Variants in TNFAIP8L3 observed in about 807,000 individuals in gnomAD.
TNFAIP8L3 encodes tumor necrosis factor alpha-induced protein 8-like protein 3.
In TNFAIP8L3, 7 loss-of-function variants were observed where a neutral mutation model predicts 11.8. The ratio of observed to expected loss-of-function variants is 0.59; its 90% CI spans 0.34 to 1.11. The LOEUF (loss-of-function observed/expected upper bound fraction) is 1.11, where lower values mean the gene tolerates loss of function less well. Among genes scored for constraint, TNFAIP8L3 ranks in the 50% most tolerant of loss-of-function variants. TNFAIP8L3 has a pLI of 0.03. For missense variants in TNFAIP8L3, 219 were observed against 258.6 expected (o/e 0.85, Z 1.05); for synonymous variants, 98 against 103.8 (o/e 0.94, Z 0.34).
chr15:51,072,432 C>T (rs1444890196), intron 1 of TNFAIP8L3, among the ~76,000 whole-genome samples: 6 of 152,162 alleles, frequency 3.9e-5, no homozygotes, highest in African/African-American at 7.2e-5. Context: ...TAAGCCACCG[C>T]GCCTGGCCAG....
chr15:51,061,968 C>A (rs2065244757), intron 1 of TNFAIP8L3, among the ~76,000 whole-genome samples: 1 of 152,014 alleles, frequency 6.6e-6, no homozygotes, highest in Non-Finnish European at 1.5e-5. Context: ...TTTTGTACCC[C>A]CAGGGCAAAA....
chr15:51,093,265 C>A lies in TNFAIP8L3; in HGVS notation c.52+1279G>T, dbSNP rs528477916. 2.6e-5 allele frequency among the ~76,000 whole-genome samples: 4 copies of A among 152,330 alleles called. No homozygotes were observed. In the East Asian group the frequency reaches 7.7e-4, roughly 29 times the overall value. On this transcript the variant is annotated intron_variant, in intron 1 of 1. Coordinates refer to ENST00000637513, the MANE Select transcript of TNFAIP8L3 (RefSeq NM_001311175.2). ...TTTCCGCCAGCCTTGGCCCTTCCCA[C>A]CCACCCAAAGGTGCGGGCCACAGCC...
At chr15:51,060,826 A>G (rs953957243) in intron 1 of TNFAIP8L3, among the ~76,000 whole-genome samples, 3 of 152,172 alleles carry the variant, frequency 2.0e-5, no homozygotes, top group African/African-American at 7.2e-5. Context: ...ACATATCCCC[A>G]TAAGATTTAT....
At chr15:51,100,504 A>G (rs1348854616) in intron 1 of TNFAIP8L3, among the ~76,000 whole-genome samples, 2 of 152,208 alleles carry the variant, frequency 1.3e-5, no homozygotes, top group African/African-American at 4.8e-5. Flanking sequence ...ACAAAATCAT[A>G]TGGGAAAGAC....
Position 51,080,043 on chromosome 15 carries a change from C to CACTGT in TNFAIP8L3, c.52+14496_52+14500dup, listed in dbSNP as rs367769483. On this transcript the variant is annotated intron_variant, in intron 1 of 1. Transcript: ENST00000637513. ...TCTCTATATTTAAATTACATGCTTA[C>CACTGT]ACTGTTAATTCTTGATTTTATTTGC... 2.3e-3 allele frequency among the ~76,000 whole-genome samples: 350 copies of CACTGT among 152,264 alleles called. 1 individual carries two copies. Among genetic ancestry groups the CACTGT allele is most frequent in the African/African-American group, 8.2e-3 (339 of 41,546 alleles).
At chr15:51,096,891 CAAA>C (rs56057102), upstream of TNFAIP8L3, among the ~76,000 whole-genome samples, 7,974 of 97,980 alleles carry the variant, frequency 0.081, 346 homozygotes, top group African/African-American at 0.19. Flanking sequence ...CACGCTGTCT[CAAA>C]AAAAAAAAAA....
chr15:51,077,932 A>T (rs1235520586), intron 1 of TNFAIP8L3, among the ~76,000 whole-genome samples: 1 of 151,954 alleles, frequency 6.6e-6, no homozygotes, highest in Non-Finnish European at 1.5e-5. Flanking sequence ...CTCACCTTTC[A>T]ATGTGTCTGC....
intron 1 of TNFAIP8L3, among the ~76,000 whole-genome samples, chr15:51,093,988 T>C (rs2065491434): frequency 6.6e-6 from 1 of 152,046 alleles, no homozygotes; most frequent in African/African-American, 2.4e-5. Flanking sequence ...TTCTGGACCT[T>C]CTCCGCCGGC....
intron 1 of TNFAIP8L3, among the ~76,000 whole-genome samples, chr15:51,102,099 G>A (rs145437372): frequency 2.3e-4 from 35 of 152,220 alleles, no homozygotes; most frequent in African/African-American, 7.7e-4. Flanking sequence ...TAGGGGTATT[G>A]TGGGAGGCTG....
chr15:51,065,041 TTTCCAGGCATGAA>T (rs2065261683), intron 1 of TNFAIP8L3, among the ~76,000 whole-genome samples: 1 of 152,216 alleles, frequency 6.6e-6, no homozygotes, highest in African/African-American at 2.4e-5. Flanking sequence ...AAGTTCCCAT[TTTCCAGGCATGAA>T]AGGTAATGGA....
chr15:51,083,913 G>T (rs775891055), intron 1 of TNFAIP8L3, among the ~76,000 whole-genome samples: 1 of 152,230 alleles, frequency 6.6e-6, no homozygotes, highest in Non-Finnish European at 1.5e-5. Flanking sequence ...GGAGGGGCCT[G>T]GGACAAGCCT....
intron 1 of TNFAIP8L3, 125 bp from the exon 2 acceptor site, chr15:51,058,568 C>T (rs2065222033): frequency 1.1e-6 from 1 of 893,008 alleles, no homozygotes; most frequent in Non-Finnish European, 1.6e-6. Flanking sequence ...TTTATATTCC[C>T]TCGCTCCCTA....
At chr15:51,101,062 C>T (rs147328277) in intron 1 of TNFAIP8L3, among the ~76,000 whole-genome samples, 1 of 152,364 alleles carries the variant, frequency 6.6e-6, no homozygotes, top group East Asian at 1.9e-4. Context: ...CCCCTATCCT[C>T]TATCCCTTAA....
chr15:51,061,056 A>G (rs1262126484), intron 1 of TNFAIP8L3, among the ~76,000 whole-genome samples: 5 of 152,202 alleles, frequency 3.3e-5, no homozygotes, highest in Non-Finnish European at 7.3e-5. Flanking sequence ...GAATTGCTTG[A>G]ACTGGGGAGG....
chr15:51,097,603 G>A (rs935515926), upstream of TNFAIP8L3, among the ~76,000 whole-genome samples: 1 of 152,210 alleles, frequency 6.6e-6, no homozygotes, highest in Non-Finnish European at 1.5e-5. Context: ...ACAAGGTCTC[G>A]ATTCCAATTT....
chr15:51,094,851 A>C lies in TNFAIP8L3; in HGVS notation c.-256T>G, dbSNP rs932118347. The C allele has an allele frequency of 2.8e-6, 1 of 356,702 alleles. No individual in the cohort carries two copies. Among genetic ancestry groups the C allele is most frequent in the East Asian group, 1.7e-4 (1 of 5,948 alleles). 22.1% of individuals were successfully genotyped at this position (356,702 alleles called of 1,614,324 possible). ...AGGGCGGAGGGTGGGGCGCTCCGGG[A>C]GACAGCCGGGAGGAGGGAGGGGAGG... On this transcript the variant is annotated 5_prime_UTR_variant, in exon 1 of 2. Transcript: ENST00000637513. This position sits in a 1 kb window ranked among gnomAD's most constrained non-coding sequence, Gnocchi z 4.4.
intron 1 of TNFAIP8L3, among the ~76,000 whole-genome samples, chr15:51,059,344 T>G (rs1361970995): frequency 6.6e-6 from 1 of 152,224 alleles, no homozygotes; most frequent in Non-Finnish European, 1.5e-5. Flanking sequence ...CTAAAAAGCC[T>G]CTTTCAATAA....
chr15:51,090,257 T>C (rs1009024833), intron 1 of TNFAIP8L3, among the ~76,000 whole-genome samples: 2 of 152,154 alleles, frequency 1.3e-5, no homozygotes, highest in African/African-American at 4.8e-5. Flanking sequence ...TGTCACCAAC[T>C]TCTGTTGTTG....
At chr15:51,076,749 G>A (rs543818630) in intron 1 of TNFAIP8L3, among the ~76,000 whole-genome samples, 28 of 152,114 alleles carry the variant, frequency 1.8e-4, no homozygotes, top group African/African-American at 6.5e-4. Context: ...GCCCTGCCCT[G>A]CCCCTGCCAC....
Sources: allele counts gnomAD v4.1 joint callset (sites outside exome capture counted in the v4.1 genomes callset), GRCh38; gene constraint gnomAD v4.1.1; non-coding constraint Gnocchi (gnomAD v3.1); transcripts MANE v1.5; gene names NCBI Gene and HGNC (gene_info 2026-07-23, HGNC 2026-07-21).